Variants in TENM2 observed in about 807,000 individuals in gnomAD.
TENM2 encodes teneurin transmembrane protein 2.
In TENM2, 52 loss-of-function variants were observed where a neutral mutation model predicts 245.2. The observed-to-expected ratio is 0.21, with a 90% CI of 0.17 to 0.27. The LOEUF (loss-of-function observed/expected upper bound fraction) is 0.27, where lower values mean the gene tolerates loss of function less well. Ranked by LOEUF, TENM2 falls within the 10% of genes least tolerant of loss-of-function variation. The pLI, the probability that TENM2 is intolerant of heterozygous loss-of-function variation, is 1.00. For synonymous variants in TENM2, 1,363 were observed against 1,438.9 expected, an observed-to-expected ratio of 0.95 and a Z score of 1.19; for missense variants, 3,046 against 3,666.8, an observed-to-expected ratio of 0.83 and a Z score of 4.37.
intron 3 of TENM2, among the ~76,000 whole-genome samples, chr5:167,900,243 T>C (rs983079953): frequency 6.6e-6 from 1 of 151,216 alleles, no homozygotes; most frequent in Non-Finnish European, 1.5e-5. Context: ...TGAGAGAAGC[T>C]GGTGAGCTAT....
intron 2 of TENM2, among the ~76,000 whole-genome samples, chr5:167,787,386 A>C (rs888579127): frequency 1.3e-5 from 2 of 152,230 alleles, no homozygotes; most frequent in African/African-American, 4.8e-5. Context: ...TAACCTCAAA[A>C]AAATGATAGA....
At chr5:167,398,420 CTCTCTT>C (rs1762189850) in intron 2 of TENM2, among the ~76,000 whole-genome samples, 2 of 106,688 alleles carry the variant, frequency 1.9e-5, no homozygotes, top group Admixed American at 1.9e-4. Flanking sequence ...CTTTCTCTCT[CTCTCTT>C]TCTTACTATT....
At chr5:167,857,791 G>A (rs1247867295) in intron 2 of TENM2, among the ~76,000 whole-genome samples, 3 of 152,130 alleles carry the variant, frequency 2.0e-5, no homozygotes, top group Non-Finnish European at 2.9e-5. Flanking sequence ...CATTTTCTAT[G>A]AAGGCAGATT....
At chr5:168,229,279 T>TCTGA (rs2152622260) in intron 25 of TENM2, among the ~76,000 whole-genome samples, 1 of 152,230 alleles carries the variant, frequency 6.6e-6, no homozygotes, top group East Asian at 1.9e-4. Flanking sequence ...TCTCTTTCTG[T>TCTGA]CTGACTCACT....
intron 4 of TENM2, among the ~76,000 whole-genome samples, chr5:167,971,932 G>C (rs1020809255): frequency 4.6e-5 from 7 of 152,194 alleles, no homozygotes; most frequent in African/African-American, 1.7e-4. Context: ...ATGCCGGAGT[G>C]GGGCTGGAAG....
chr5:167,747,565 T>C (rs1334520413), intron 2 of TENM2, among the ~76,000 whole-genome samples: 1 of 152,218 alleles, frequency 6.6e-6, no homozygotes, highest in Non-Finnish European at 1.5e-5. Flanking sequence ...TGAATACTTT[T>C]GCCACATTTC....
At chr5:167,417,518 TCTC>T (rs1763232127) in intron 2 of TENM2, among the ~76,000 whole-genome samples, 1 of 152,168 alleles carries the variant, frequency 6.6e-6, no homozygotes, top group Non-Finnish European at 1.5e-5. Flanking sequence ...GTGCTTTTTC[TCTC>T]CTCTATCTTA....
At chr5:167,914,601 T>C (rs930778011) in intron 3 of TENM2, among the ~76,000 whole-genome samples, 2 of 152,142 alleles carry the variant, frequency 1.3e-5, no homozygotes, top group African/African-American at 2.4e-5. Context: ...AGGTCTGCAA[T>C]TGCAAATTAC....
intron 2 of TENM2, among the ~76,000 whole-genome samples, chr5:167,511,783 G>T (rs1222093931): frequency 6.6e-6 from 1 of 152,074 alleles, no homozygotes; most frequent in African/African-American, 2.4e-5. Context: ...AAGGAGTGAT[G>T]GTATGCTTGC....
chr5:167,579,607 A>G (rs994651762), intron 2 of TENM2, among the ~76,000 whole-genome samples: 1 of 152,142 alleles, frequency 6.6e-6, no homozygotes, highest in Non-Finnish European at 1.5e-5. Flanking sequence ...TTCCTTTACT[A>G]TTGCTGGGCA....
the TENM2 span, among the ~76,000 whole-genome samples, chr5:167,220,464 C>T: frequency 6.6e-6 from 1 of 152,134 alleles, no homozygotes; most frequent in African/African-American, 2.4e-5. Flanking sequence ...AAAACAAGGA[C>T]ATAGCTCATT....
At chr5:167,931,303 G>A (rs539985100) in intron 3 of TENM2, among the ~76,000 whole-genome samples, 30 of 152,106 alleles carry the variant, frequency 2.0e-4, no homozygotes, top group Non-Finnish European at 4.4e-4. Context: ...TGGAGCTACT[G>A]TACTTTATTG....
chr5:168,195,764 T>C (rs1237378383), intron 15 of TENM2, among the ~76,000 whole-genome samples: 2 of 152,064 alleles, frequency 1.3e-5, no homozygotes, highest in African/African-American at 4.8e-5. Flanking sequence ...CTTTAGGAGT[T>C]GTGTTGTTTT....
At chr5:167,976,203 A>G (rs981817324) in intron 4 of TENM2, among the ~76,000 whole-genome samples, 4 of 151,940 alleles carry the variant, frequency 2.6e-5, no homozygotes, top group Admixed American at 2.0e-4. Flanking sequence ...AATAACCATT[A>G]TGGGTTTTTT....
chr5:167,360,726 T>G (rs1759662730), intron 1 of TENM2, among the ~76,000 whole-genome samples: 2 of 152,232 alleles, frequency 1.3e-5, no homozygotes, highest in African/African-American at 4.8e-5. Context: ...GCTAAGTGTT[T>G]TCTAGTCACA....
intron 2 of TENM2, among the ~76,000 whole-genome samples, chr5:167,504,900 C>T (rs976390752): frequency 1.2e-4 from 18 of 152,104 alleles, no homozygotes; most frequent in African/African-American, 3.9e-4. Context: ...TTCATTGCTT[C>T]CTTCTCTTTT....
At chr5:167,181,372 T>C in the TENM2 span, among the ~76,000 whole-genome samples, 4 of 152,072 alleles carry the variant, frequency 2.6e-5, no homozygotes, top group African/African-American at 9.7e-5. Flanking sequence ...CTTCTTTCTC[T>C]TCATTCTTTC....
At chr5:167,403,228 A>ACATTTGGGC (rs1762457098) in intron 2 of TENM2, among the ~76,000 whole-genome samples, 1 of 152,046 alleles carries the variant, frequency 6.6e-6, no homozygotes, top group African/African-American at 2.4e-5. Context: ...TAATACTAAT[A>ACATTTGGGC]CATTTGGGCC....
At chr5:167,481,927 C>T (rs1342404637) in intron 2 of TENM2, among the ~76,000 whole-genome samples, 1 of 152,140 alleles carries the variant, frequency 6.6e-6, no homozygotes, top group Non-Finnish European at 1.5e-5. Context: ...TTTGCAGCTT[C>T]GCCTGCAAAG....
Sources: gnomAD v4.1 joint callset for allele counts (sites outside exome capture counted in the v4.1 genomes callset) on GRCh38, gnomAD v4.1.1 for gene constraint, MANE v1.5 for transcripts, NCBI Gene and HGNC (gene_info 2026-07-23, HGNC 2026-07-21) for gene names.